The following TRAPPC9 variants were observed in gnomAD, a reference collection of about 807,000 sequenced individuals.
TRAPPC9 encodes IKK2 binding protein.
TRAPPC9 carries 83 observed loss-of-function variants against 124.0 expected under a neutral mutation model. The ratio of observed to expected loss-of-function variants is 0.67; its 90% CI spans 0.56 to 0.80. The LOEUF is 0.80. Ranked by LOEUF, TRAPPC9 falls within the 30% of genes least tolerant of loss-of-function variation. The pLI is 0.00. For missense variants in TRAPPC9, 1,302 were observed against 1,508.3 expected (o/e 0.86, Z 2.27); for synonymous variants, 638 against 617.5 (o/e 1.03, Z -0.49).
At chr8:139,871,111 G>A (rs1828871176) in intron 21 of TRAPPC9, among the ~76,000 whole-genome samples, 1 of 152,192 alleles carries the variant, frequency 6.6e-6, no homozygotes, top group Admixed American at 6.5e-5. Flanking sequence ...TGACATGAGT[G>A]AATTTAAATG....
chr8:140,325,064 C>T (rs949490631), intron 9 of TRAPPC9, among the ~76,000 whole-genome samples: 10 of 151,998 alleles, frequency 6.6e-5, no homozygotes, highest in South Asian at 2.1e-4. Context: ...ATTTCCACAA[C>T]GGCTGCAAAT....
intron 17 of TRAPPC9, among the ~76,000 whole-genome samples, chr8:140,147,757 T>C (rs2061484288): frequency 6.6e-6 from 1 of 152,202 alleles, no homozygotes; most frequent in Admixed American, 6.5e-5. Context: ...TTACTTTACT[T>C]GATTCTCAAA....
chr8:140,212,763 T>C (rs563537617), intron 17 of TRAPPC9, among the ~76,000 whole-genome samples: 3 of 152,016 alleles, frequency 2.0e-5, no homozygotes, highest in African/African-American at 7.2e-5. Context: ...TGGGAAGGCG[T>C]TTTTTTTCTT....
At chr8:139,964,035 T>A (rs949512031) in intron 19 of TRAPPC9, among the ~76,000 whole-genome samples, 1 of 151,938 alleles carries the variant, frequency 6.6e-6, no homozygotes, top group South Asian at 2.1e-4. Flanking sequence ...CCAGCCTGGC[T>A]AACATGGTGA....
chr8:140,167,005 T>C (rs186658748), intron 17 of TRAPPC9, among the ~76,000 whole-genome samples: 105 of 152,292 alleles, frequency 6.9e-4, no homozygotes, highest in African/African-American at 2.5e-3. Flanking sequence ...AAACGCATGA[T>C]CTCGCCATTA....
chr8:140,128,982 T>TAC (rs2061149749), intron 17 of TRAPPC9, among the ~76,000 whole-genome samples: 1 of 127,804 alleles, frequency 7.8e-6, no homozygotes, highest in African/African-American at 2.9e-5. Flanking sequence ...AATATATATA[T>TAC]ATATACATAT....
At chr8:140,403,415 C>A (rs529879640) in intron 6 of TRAPPC9, among the ~76,000 whole-genome samples, 3 of 149,416 alleles carry the variant, frequency 2.0e-5, no homozygotes, top group Non-Finnish European at 4.4e-5. Flanking sequence ...GGCAACAGAG[C>A]GAGACTCTGT....
rs1356784452 is a variant in TRAPPC9, at chr8:140,451,364, G to A, written c.10C>T (p.Pro4Ser). The A allele has an allele frequency of 5.6e-6, 9 of 1,603,098 alleles. No homozygotes were observed. The highest frequency in any genetic ancestry group is 6.8e-6 in the Non-Finnish European group (8 of 1,179,954). Reference sequence around the variant, plus strand: ...TCCTCAGCACACTGCATGTAGTCAGGGACGCTCATTTTGAAGTCCCTGTTC... The same window carrying A: ...TCCTCAGCACACTGCATGTAGTCAGAGACGCTCATTTTGAAGTCCCTGTTC... MSV[P>S]DYMQCAEDHQ... is the part of the protein sequence containing the mutation. Residue 4 changes from proline to serine, a missense_variant, in exon 2 of 23, where the codon CCT becomes TCT. Pro to Ser is a moderately conservative substitution (Grantham distance 74). Around this residue, in one of 3 missense-constraint regions of TRAPPC9, gnomAD observed 657 missense variants for 811.2 expected, o/e 0.81. Coordinates refer to ENST00000438773, the MANE Select transcript of TRAPPC9 (RefSeq NM_001160372.4).
At chr8:139,995,306 T>C (rs1020308682) in intron 18 of TRAPPC9, among the ~76,000 whole-genome samples, 1 of 152,186 alleles carries the variant, frequency 6.6e-6, no homozygotes, top group Non-Finnish European at 1.5e-5. Flanking sequence ...AAAGGTACTA[T>C]GAAGGGCCAC....
At chr8:139,766,891 G>A (rs539192231) in intron 21 of TRAPPC9, among the ~76,000 whole-genome samples, 114 of 152,338 alleles carry the variant, frequency 7.5e-4, no homozygotes, top group African/African-American at 2.4e-3. Flanking sequence ...TGTCTTGTGC[G>A]TCCCGCAGAC....
At chr8:139,778,255 T>G (rs1821532921) in intron 21 of TRAPPC9, among the ~76,000 whole-genome samples, 1 of 152,132 alleles carries the variant, frequency 6.6e-6, no homozygotes, top group Non-Finnish European at 1.5e-5. Context: ...AGTCCTAGAC[T>G]AAACACTGCT....
intron 17 of TRAPPC9, among the ~76,000 whole-genome samples, chr8:140,172,926 T>C (rs1301684417): frequency 5.9e-5 from 9 of 152,132 alleles, no homozygotes; most frequent in Admixed American, 3.3e-4. Context: ...TTGTTGGCTG[T>C]CCAGTGTAGA....
At chr8:140,129,005 T>TATATATATATATATATTAA (rs1563783126) in intron 17 of TRAPPC9, among the ~76,000 whole-genome samples, 1 of 134,754 alleles carries the variant, frequency 7.4e-6, no homozygotes, top group Admixed American at 7.7e-5. Context: ...ATATATATAT[T>TATATATATATATATATTAA]AAAAAAAAAA....
chr8:139,826,667 G>A (rs758574697), intron 21 of TRAPPC9, among the ~76,000 whole-genome samples: 1 of 152,204 alleles, frequency 6.6e-6, no homozygotes, highest in Non-Finnish European at 1.5e-5. Flanking sequence ...AGCCTGGCCC[G>A]GGGCTCTGGC....
At chr8:139,761,238 CAG>C (rs1366416853) in intron 21 of TRAPPC9, among the ~76,000 whole-genome samples, 1 of 152,108 alleles carries the variant, frequency 6.6e-6, no homozygotes, top group East Asian at 1.9e-4. Flanking sequence ...GGGGGAGAAA[CAG>C]AGACCAACTG....
At chr8:140,245,031 C>T (rs1277764424) in intron 16 of TRAPPC9, among the ~76,000 whole-genome samples, 5 of 151,958 alleles carry the variant, frequency 3.3e-5, no homozygotes, top group African/African-American at 1.2e-4. Context: ...GTCTCGATCT[C>T]CTGACCCCAT....
chr8:140,332,812 G>A (rs2066929003), intron 9 of TRAPPC9, among the ~76,000 whole-genome samples: 2 of 152,116 alleles, frequency 1.3e-5, no homozygotes, highest in Non-Finnish European at 2.9e-5. Context: ...TCAGGATACA[G>A]AATTATATTT....
chr8:140,345,023 G>A (rs2067299852), intron 9 of TRAPPC9, among the ~76,000 whole-genome samples: 1 of 152,264 alleles, frequency 6.6e-6, no homozygotes, highest in Admixed American at 6.5e-5. Context: ...GGGGCGGGCA[G>A]GGGCACCCTG....
chr8:139,983,985 C>A (rs891116239), intron 19 of TRAPPC9, among the ~76,000 whole-genome samples: 1 of 152,182 alleles, frequency 6.6e-6, no homozygotes, highest in African/African-American at 2.4e-5. Flanking sequence ...TCAGTAAATA[C>A]TATTTCCATC....
Sources: gnomAD v4.1 joint callset for allele counts (sites outside exome capture counted in the v4.1 genomes callset) on GRCh38, gnomAD v4.1.1 for gene constraint, gnomAD v4.1.1 regional missense constraint, MANE v1.5 for transcripts, NCBI Gene and HGNC (gene_info 2026-07-23, HGNC 2026-07-21) for gene names.